Variants in ROBO2 observed in about 807,000 individuals in gnomAD.
ROBO2 encodes the protein roundabout homolog 2.
In ROBO2, 53 loss-of-function variants were observed where a neutral mutation model predicts 160.8. That is an observed-to-expected ratio of 0.33 (90% CI 0.26 to 0.41). The LOEUF is 0.41. Among genes scored for constraint, ROBO2 ranks in the 10% least tolerant of loss-of-function variants. ROBO2 has a pLI of 1.00. For missense variants in ROBO2, 1,577 were observed against 1,722.4 expected (o/e 0.92, Z 1.49); for synonymous variants, 664 against 611.7 (o/e 1.09, Z -1.26).
chr3:76,654,744 T>C (rs1171437925), intron 2 of ROBO2, among the ~76,000 whole-genome samples: 1 of 151,834 alleles, frequency 6.6e-6, no homozygotes, highest in East Asian at 1.9e-4. Context: ...GCTAGAGAAT[T>C]ACCAGAGATC....
intron 2 of ROBO2, among the ~76,000 whole-genome samples, chr3:76,569,045 T>C (rs1459603785): frequency 6.6e-6 from 1 of 152,218 alleles, no homozygotes; most frequent in African/African-American, 2.4e-5. Context: ...GATATAGATA[T>C]AAATCTCTGT....
chr3:75,934,368 A>G (rs529599768), intron 1 of ROBO2, among the ~76,000 whole-genome samples: 1 of 152,304 alleles, frequency 6.6e-6, no homozygotes, highest in East Asian at 1.9e-4. Context: ...TTATTCTCAT[A>G]TGCACGAAAA....
At chr3:76,589,298 C>CA (rs1553817436) in intron 2 of ROBO2, among the ~76,000 whole-genome samples, 1 of 151,528 alleles carries the variant, frequency 6.6e-6, no homozygotes, top group Non-Finnish European at 1.5e-5. Flanking sequence ...AAACACTTGG[C>CA]TTTTTGTTTG....
chr3:77,355,694 A>C (rs1342396630), intron 2 of ROBO2, among the ~76,000 whole-genome samples: 1 of 152,218 alleles, frequency 6.6e-6, no homozygotes, highest in African/African-American at 2.4e-5. Flanking sequence ...TTCATAGGAA[A>C]GTTTAATATA....
At chr3:76,268,346 A>G (rs1340703602) in intron 2 of ROBO2, among the ~76,000 whole-genome samples, 1 of 152,170 alleles carries the variant, frequency 6.6e-6, no homozygotes, top group East Asian at 1.9e-4. Context: ...TCAACAAAGT[A>G]TATTAGTTAA....
chr3:76,936,450 G>C (rs899354228), intron 2 of ROBO2, among the ~76,000 whole-genome samples: 4 of 151,996 alleles, frequency 2.6e-5, no homozygotes, highest in Non-Finnish European at 5.9e-5. Context: ...TAAAGATTTT[G>C]TATGCAGCAA....
At chr3:77,102,441 G>T (rs577193369) in intron 2 of ROBO2, among the ~76,000 whole-genome samples, 3 of 152,298 alleles carry the variant, frequency 2.0e-5, no homozygotes, top group African/African-American at 7.2e-5. Context: ...TATTCCTCAG[G>T]AGAGAAAGTC....
chr3:77,383,278 C>G (rs898142146), intron 2 of ROBO2, among the ~76,000 whole-genome samples: 2 of 151,788 alleles, frequency 1.3e-5, no homozygotes, highest in East Asian at 3.9e-4. Flanking sequence ...AACTCAAAAG[C>G]CAAAGTTTAG....
chr3:77,275,437 A>G (rs997489284), intron 2 of ROBO2, among the ~76,000 whole-genome samples: 2 of 152,186 alleles, frequency 1.3e-5, no homozygotes, highest in Non-Finnish European at 2.9e-5. Flanking sequence ...TAATGAGCAC[A>G]TGTCTGAACA....
chr3:76,036,561 A>G (rs1447945499), intron 2 of ROBO2, among the ~76,000 whole-genome samples: 25 of 149,016 alleles, frequency 1.7e-4, no homozygotes, highest in African/African-American at 4.5e-4. Context: ...CTGGAGCTCA[A>G]TGGCGTGATC....
chr3:77,577,678 A>G, intron 15 of ROBO2, 64 bp downstream of exon 16: 1 of 1,561,252 alleles, frequency 6.4e-7, no homozygotes, highest in Middle Eastern at 1.7e-4. Flanking sequence ...TCAGTGTCTC[A>G]CGAATGAGAC....
chr3:77,621,827 G>A (rs1212829945), intron 22 of ROBO2, among the ~76,000 whole-genome samples: 1 of 152,164 alleles, frequency 6.6e-6, no homozygotes, highest in Non-Finnish European at 1.5e-5. Context: ...CCAGCAGGCA[G>A]CATGGGTTAC....
chr3:77,343,061 AGAG>A (rs2067237042), intron 2 of ROBO2, among the ~76,000 whole-genome samples: 2 of 68,788 alleles, frequency 2.9e-5, no homozygotes, highest in African/African-American at 9.0e-5. Flanking sequence ...GTAGATGGAG[AGAG>A]AGAGAGAGAG....
intron 6 of ROBO2, among the ~76,000 whole-genome samples, chr3:77,545,011 T>C (rs1167749470): frequency 6.6e-6 from 1 of 152,030 alleles, no homozygotes; most frequent in Non-Finnish European, 1.5e-5. Context: ...CATCCCTTTC[T>C]TTTATTTTCT....
intron 2 of ROBO2, among the ~76,000 whole-genome samples, chr3:76,894,431 A>T (rs1175890450): frequency 6.6e-6 from 1 of 152,136 alleles, no homozygotes; most frequent in African/African-American, 2.4e-5. Context: ...AAAATATGTA[A>T]GAACGACATT....
rs376716015 is a variant in ROBO2 at position 76,379,185 on chromosome 3, TAAAAG to T, written c.109+441591_109+441595del. On this transcript the variant is annotated intron_variant, in intron 2 of 26. Coordinates refer to the ROBO2 transcript ENST00000487694. Reference sequence around the variant, plus strand: ...ATAAAGGCAGGATAATTTGGAATATTAAAAGAAAAGAAGTAATCGATATTATAAGC... The same window carrying T: ...ATAAAGGCAGGATAATTTGGAATATTAAAAGAAGTAATCGATATTATAAGC... Among the ~76,000 whole-genome samples, 623 of 152,158 alleles carry T rather than the reference TAAAAG, an allele frequency of 4.1e-3. 6 individuals are homozygous for T. The highest frequency in any genetic ancestry group is 0.014 in the African/African-American group (578 of 41,526).
At chr3:77,001,539 G>A (rs895477981) in intron 2 of ROBO2, among the ~76,000 whole-genome samples, 2 of 152,090 alleles carry the variant, frequency 1.3e-5, no homozygotes, top group Admixed American at 1.3e-4. Flanking sequence ...CATGAACAGG[G>A]GGGTTTGAGA....
intron 2 of ROBO2, among the ~76,000 whole-genome samples, chr3:76,299,707 G>C (rs1709262441): frequency 6.6e-6 from 1 of 152,152 alleles, no homozygotes. Flanking sequence ...AAAGGTGAGA[G>C]ATGTTAGTGG....
chr3:77,312,123 T>G (rs970727584), intron 2 of ROBO2, among the ~76,000 whole-genome samples: 3 of 152,074 alleles, frequency 2.0e-5, no homozygotes, highest in Non-Finnish European at 4.4e-5. Context: ...ATTTTAAAAT[T>G]TTTTAAGTTT....
Sources: gnomAD v4.1 joint callset for allele counts (sites outside exome capture counted in the v4.1 genomes callset) on GRCh38, gnomAD v4.1.1 for gene constraint, MANE v1.5 for transcripts, NCBI Gene and HGNC (gene_info 2026-07-23, HGNC 2026-07-21) for gene names.